Variants in CWF19L2 observed in about 807,000 individuals in gnomAD.
CWF19L2 encodes CWF19-like protein 2.
Under a neutral mutation model 111.7 loss-of-function variants are expected in CWF19L2, and 98 were observed. That is an observed-to-expected ratio of 0.88 (90% CI 0.75 to 1.04). The LOEUF (loss-of-function observed/expected upper bound fraction) is 1.04. CWF19L2 is among the 50% of genes least tolerant of loss of function. CWF19L2 has a pLI of 0.00. For missense variants in CWF19L2, 1,101 were observed against 1,051.4 expected, an observed-to-expected ratio of 1.05 and a Z score of -0.65; for synonymous variants, 351 against 342.9, an observed-to-expected ratio of 1.02 and a Z score of -0.26.
At chr11:107,457,064 C>T (rs1019857112) in intron 1 of CWF19L2, among the ~76,000 whole-genome samples, 1 of 152,246 alleles carries the variant, frequency 6.6e-6, no homozygotes, top group Non-Finnish European at 1.5e-5. Context: ...CATTGCCACA[C>T]TTCTTACATA....
intron 10 of CWF19L2, among the ~76,000 whole-genome samples, chr11:107,414,763 AC>A (rs553327104): frequency 4.0e-3 from 602 of 151,814 alleles, no homozygotes; most frequent in Admixed American, 8.7e-3. Context: ...CCCATTACCC[AC>A]CCCCCACCTA....
At chr11:107,372,802 C>G (rs952246631) in intron 12 of CWF19L2, among the ~76,000 whole-genome samples, 2 of 131,896 alleles carry the variant, frequency 1.5e-5, no homozygotes, top group African/African-American at 3.2e-5. Context: ...CTCCGGTCTA[C>G]AGCTCCCAGC....
At chr11:107,419,243 T>A (rs577216532) in intron 8 of CWF19L2, among the ~76,000 whole-genome samples, 1 of 152,292 alleles carries the variant, frequency 6.6e-6, no homozygotes, top group East Asian at 1.9e-4. Flanking sequence ...GCTTCATTAG[T>A]GGGAAACAGC....
chr11:107,372,687 G>C (rs1360068127), intron 12 of CWF19L2, among the ~76,000 whole-genome samples: 1 of 136,282 alleles, frequency 7.3e-6, no homozygotes, highest in Admixed American at 7.1e-5. Context: ...AGAAGTGAAA[G>C]AGGATAAGAA....
At chr11:107,365,789 A>G (rs1412341060) in intron 12 of CWF19L2, among the ~76,000 whole-genome samples, 1 of 63,428 alleles carries the variant, frequency 1.6e-5, no homozygotes, top group Non-Finnish European at 2.8e-5. Context: ...CTCTCTCACC[A>G]CTCCTATTCA....
chr11:107,428,064 T>A (rs1250184146), intron 8 of CWF19L2, among the ~76,000 whole-genome samples: 1 of 152,164 alleles, frequency 6.6e-6, no homozygotes, highest in Non-Finnish European at 1.5e-5. Context: ...AAACATATTT[T>A]AATGATCATT....
At chr11:107,411,481 C>A (rs1172684792) in intron 10 of CWF19L2, among the ~76,000 whole-genome samples, 1 of 151,876 alleles carries the variant, frequency 6.6e-6, no homozygotes, top group Non-Finnish European at 1.5e-5. Flanking sequence ...GTCTTTTGAA[C>A]GTATTTGAAA....
intron 12 of CWF19L2, among the ~76,000 whole-genome samples, chr11:107,387,040 G>A (rs952616535): frequency 3.3e-5 from 5 of 150,208 alleles, no homozygotes; most frequent in Non-Finnish European, 7.4e-5. Context: ...GTGACAGAGC[G>A]AGACCCCGTC....
chr11:107,416,120 A>AAAAAT (rs975297091), intron 10 of CWF19L2, 89 bp downstream of exon 10: 7 of 340,670 alleles, frequency 2.1e-5, no homozygotes, highest in Admixed American at 5.1e-5. Flanking sequence ...AAATAAAATA[A>AAAAAT]AAAATAAAAT....
chr11:107,361,681 G>A (rs775402503), intron 12 of CWF19L2, among the ~76,000 whole-genome samples: 2 of 152,168 alleles, frequency 1.3e-5, no homozygotes, highest in Non-Finnish European at 2.9e-5. Flanking sequence ...TCCCTGTAGA[G>A]ATCTTTCACC....
At chr11:107,339,299 T>C (rs1240506344) in intron 14 of CWF19L2, among the ~76,000 whole-genome samples, 1 of 152,180 alleles carries the variant, frequency 6.6e-6, no homozygotes, top group Non-Finnish European at 1.5e-5. Flanking sequence ...TGAACATTTG[T>C]GCACAGGTTT....
intron 16 of CWF19L2, among the ~76,000 whole-genome samples, chr11:107,333,138 T>C (rs1236997298): frequency 6.6e-6 from 1 of 151,996 alleles, no homozygotes; most frequent in East Asian, 1.9e-4. Context: ...TGGCTCATCC[T>C]TCATTGACTG....
chr11:107,435,210 C>A (rs1342804074), intron 6 of CWF19L2, among the ~76,000 whole-genome samples: 1 of 152,108 alleles, frequency 6.6e-6, no homozygotes, highest in African/African-American at 2.4e-5. Context: ...AAACCTAGAT[C>A]TCTAATGCAA....
chr11:107,356,363 A>G (rs567918058), intron 12 of CWF19L2, among the ~76,000 whole-genome samples: 28 of 152,322 alleles, frequency 1.8e-4, no homozygotes, highest in African/African-American at 6.3e-4. Flanking sequence ...ATGTAAATAG[A>G]AGAAAATTTA....
intron 2 of CWF19L2, 109 bp from the exon 3 acceptor site, chr11:107,454,681 T>C: frequency 1.4e-6 from 1 of 710,862 alleles, no homozygotes; most frequent in Non-Finnish European, 2.0e-6. Flanking sequence ...TTTCAATCTC[T>C]GATGAAATAA....
intron 3 of CWF19L2, among the ~76,000 whole-genome samples, chr11:107,446,353 C>T (rs1390540013): frequency 6.6e-6 from 1 of 152,208 alleles, no homozygotes; most frequent in Admixed American, 6.5e-5. Flanking sequence ...TCTCATACTT[C>T]CATGTCTCTG....
chr11:107,330,919 T>C (rs1012307394), intron 16 of CWF19L2, among the ~76,000 whole-genome samples: 3 of 152,172 alleles, frequency 2.0e-5, no homozygotes, highest in Non-Finnish European at 4.4e-5. Context: ...AAATTGTGTA[T>C]TGTGTCCTTT....
intron 3 of CWF19L2, among the ~76,000 whole-genome samples, chr11:107,445,581 G>A (rs1485853826): frequency 1.4e-5 from 2 of 147,398 alleles, no homozygotes; most frequent in African/African-American, 5.0e-5. Context: ...TCCAGCCTGG[G>A]GGACAAGAGC....
chr11:107,392,728 A>AG (rs1860866055), intron 11 of CWF19L2, 51 bp downstream of exon 11: 3 of 1,108,734 alleles, frequency 2.7e-6, no homozygotes, highest in African/African-American at 1.6e-5. Flanking sequence ...GAAAGCCCCA[A>AG]GGGGAAGAAG....
Sources: allele counts gnomAD v4.1 joint callset (sites outside exome capture counted in the v4.1 genomes callset), GRCh38; gene constraint gnomAD v4.1.1; transcripts MANE v1.5; gene names NCBI Gene and HGNC (gene_info 2026-07-23, HGNC 2026-07-21).